The following MYLK4 variants were observed in gnomAD, a reference collection of about 807,000 sequenced individuals.
MYLK4 encodes the protein myosin light chain kinase family member 4.
MYLK4 carries 46 observed loss-of-function variants against 48.1 expected under a neutral mutation model. The ratio of observed to expected loss-of-function variants is 0.96; its 90% CI spans 0.75 to 1.22. The LOEUF is 1.22. Ranked by LOEUF, MYLK4 falls within the 50% of genes most tolerant of loss-of-function variation. The pLI is 0.00. For missense variants in MYLK4, 451 were observed against 486.1 expected, an observed-to-expected ratio of 0.93 and a Z score of 0.68; for synonymous variants, 170 against 180.8, an observed-to-expected ratio of 0.94 and a Z score of 0.48.
At chr6:2,684,220 G>A (rs541209611) in intron 6 of MYLK4, among the ~76,000 whole-genome samples, 174 of 152,236 alleles carry the variant, frequency 1.1e-3, no homozygotes, top group African/African-American at 3.3e-3. Context: ...TGACCCGGTC[G>A]GCTACTAAGT....
chr6:2,760,014 T>G, the MYLK4 span, among the ~76,000 whole-genome samples: 1 of 152,166 alleles, frequency 6.6e-6, no homozygotes, highest in Non-Finnish European at 1.5e-5. Flanking sequence ...AGCAGTACAA[T>G]TAATAAAAAA....
intron 10 of MYLK4, among the ~76,000 whole-genome samples, chr6:2,676,225 C>T (rs1252437210): frequency 6.6e-6 from 1 of 152,192 alleles, no homozygotes; most frequent in East Asian, 1.9e-4. Context: ...AATGCAATCG[C>T]TTCATCAGAT....
At chr6:2,754,865 A>T (rs1413110475), upstream of MYLK4, among the ~76,000 whole-genome samples, 12 of 152,350 alleles carry the variant, frequency 7.9e-5, no homozygotes, top group East Asian at 2.1e-3. Flanking sequence ...GGAGACAGTT[A>T]AGAGTCTCAC....
At chr6:2,746,274 G>GA in intron 2 of MYLK4, among the ~76,000 whole-genome samples, 1 of 104,932 alleles carries the variant, frequency 9.5e-6, no homozygotes, top group South Asian at 2.9e-4. Context: ...CTCAAAAAAA[G>GA]AAAAAAAGAA....
intron 3 of MYLK4, among the ~76,000 whole-genome samples, chr6:2,689,424 T>C (rs1235249780): frequency 2.6e-5 from 4 of 152,246 alleles, no homozygotes; most frequent in Admixed American, 6.5e-5. Context: ...TGATATTATA[T>C]ATTACTTTCC....
intron 7 of MYLK4, 70 bp from the exon 8 acceptor site, chr6:2,680,361 A>G: frequency 6.2e-7 from 1 of 1,605,424 alleles, no homozygotes; most frequent in Non-Finnish European, 8.5e-7. Context: ...TTGAACCACA[A>G]CTAAAAATAC....
intron 3 of MYLK4, among the ~76,000 whole-genome samples, chr6:2,690,727 T>C (rs1053861246): frequency 2.0e-5 from 3 of 151,266 alleles, no homozygotes; most frequent in Non-Finnish European, 4.4e-5. Flanking sequence ...ATTTTATGAA[T>C]ACCTAACTAA....
intron 9 of MYLK4, among the ~76,000 whole-genome samples, chr6:2,678,800 T>G (rs917004546): frequency 1.4e-5 from 2 of 145,444 alleles, no homozygotes; most frequent in African/African-American, 5.1e-5. Context: ...AACCTCCACC[T>G]CCTGGAAGCA....
chr6:2,738,958 G>C (rs999149150), intron 2 of MYLK4, among the ~76,000 whole-genome samples: 1 of 152,174 alleles, frequency 6.6e-6, no homozygotes, highest in Non-Finnish European at 1.5e-5. Flanking sequence ...TGTAAAATAT[G>C]TCCCACTCTA....
Position 2,694,584 on chromosome 6 carries a change from G to C in MYLK4, c.160-1725C>G, listed in dbSNP as rs1435440813. 2.2e-3 allele frequency among the ~76,000 whole-genome samples: 284 copies of C among 132,052 alleles called. 2 individuals carry two copies. The highest frequency in any genetic ancestry group is 3.3e-3 in the Non-Finnish European group (205 of 61,268). The allele number at this position is 132,052 out of a possible 152,430, so 86.6% of individuals were successfully genotyped here. On this transcript the variant is annotated intron_variant, in intron 2 of 12. Coordinates refer to ENST00000274643, the MANE Select transcript of MYLK4 (RefSeq NM_001012418.5). ...GGTGGTAGTGGTAGTGCTGCTGGTGGTGGTGGTGGTGGTGGTGGTGATGAT... is the reference window on the plus strand; with the variant it reads ...GGTGGTAGTGGTAGTGCTGCTGGTGCTGGTGGTGGTGGTGGTGGTGATGAT...
At chr6:2,713,154 T>C (rs1248058140) in intron 2 of MYLK4, among the ~76,000 whole-genome samples, 2 of 152,092 alleles carry the variant, frequency 1.3e-5, no homozygotes, top group Non-Finnish European at 1.5e-5. Flanking sequence ...GTGGATCCCC[T>C]GAGGTCGGGA....
At chr6:2,764,823 G>A in the MYLK4 span, among the ~76,000 whole-genome samples, 1 of 152,126 alleles carries the variant, frequency 6.6e-6, no homozygotes, top group African/African-American at 2.4e-5. Flanking sequence ...AGGGGGCGAG[G>A]GACGCTTTAT....
intron 2 of MYLK4, among the ~76,000 whole-genome samples, chr6:2,696,532 G>C (rs940787893): frequency 6.6e-6 from 1 of 152,198 alleles, no homozygotes; most frequent in Non-Finnish European, 1.5e-5. Flanking sequence ...ACTAGTAACG[G>C]GGCCCTCGCC....
At position 2,713,110 on chromosome 6, in the gene MYLK4, C is replaced by T. The variant is rs553396918; in HGVS notation, c.160-20251G>A. 6.6e-5 allele frequency among the ~76,000 whole-genome samples: 10 copies of T among 152,288 alleles called. No homozygotes were observed. In the South Asian group the frequency reaches 8.3e-4, roughly 13 times the overall value. ...CATAGTCCCGGCATGGTGGCTCATG[C>T]CTACAATCCCAGAACTTTGGGAGGC... On this transcript the variant is annotated intron_variant, in intron 2 of 12. Coordinates refer to ENST00000274643, the MANE Select transcript of MYLK4 (RefSeq NM_001012418.5).
chr6:2,688,725 T>C, intron 4 of MYLK4, 126 bp downstream of exon 4: 1 of 760,574 alleles, frequency 1.3e-6, no homozygotes, highest in Non-Finnish European at 2.2e-6. Context: ...CAGAAATGGT[T>C]ACTGTTTCTT....
rs114508432 is a variant in MYLK4 at position 2,733,357 on chromosome 6, T to C, written c.159+15779A>G. 3.7e-3 allele frequency among the ~76,000 whole-genome samples: 568 copies of C among 152,308 alleles called. 3 individuals carry two copies. The highest frequency in any genetic ancestry group is 0.013 in the African/African-American group (548 of 41,562). On this transcript the variant is annotated intron_variant, in intron 2 of 12. Coordinates refer to ENST00000274643, the MANE Select transcript of MYLK4 (RefSeq NM_001012418.5). ...GAAATGGAAATACATGTGTAAAAAC[T>C]ACAGTCCCTACAGTTTTCTGTGAAT...
At chr6:2,702,945 T>C (rs1293661057) in intron 2 of MYLK4, among the ~76,000 whole-genome samples, 1 of 152,182 alleles carries the variant, frequency 6.6e-6, no homozygotes, top group African/African-American at 2.4e-5. Flanking sequence ...CTCATTGTCC[T>C]TTGTTTGATT....
At chr6:2,679,133 G>GTTGCCT in intron 9 of MYLK4, 147 bp downstream of exon 9, 1 of 902,914 alleles carries the variant, frequency 1.1e-6, no homozygotes. Context: ...ACCCACAGGA[G>GTTGCCT]TCAACAAAAC....
chr6:2,766,932 C>G, the MYLK4 span, among the ~76,000 whole-genome samples: 1 of 152,134 alleles, frequency 6.6e-6, no homozygotes, highest in South Asian at 2.1e-4. Flanking sequence ...GTTTAACAGA[C>G]TGGTATTTAT....
Sources: allele counts gnomAD v4.1 joint callset (sites outside exome capture counted in the v4.1 genomes callset), GRCh38; gene constraint gnomAD v4.1.1; transcripts MANE v1.5; gene names NCBI Gene and HGNC (gene_info 2026-07-23, HGNC 2026-07-21).